The following LAIR1 variants were observed in gnomAD, a reference collection of about 807,000 sequenced individuals.
LAIR1 encodes leukocyte-associated immunoglobulin-like receptor 1.
A neutral mutation model predicts 32.8 loss-of-function variants in LAIR1; 24 were observed. That is an observed-to-expected ratio of 0.73 (90% CI 0.53 to 1.03). The LOEUF (loss-of-function observed/expected upper bound fraction) is 1.03, where lower values mean the gene tolerates loss of function less well. Among genes scored for constraint, LAIR1 ranks in the 50% least tolerant of loss-of-function variants. The probability of loss-of-function intolerance (pLI) is 0.00; values close to 1 mark genes in which losing one functional copy is unlikely to be tolerated. For missense variants in LAIR1, 355 were observed against 347.5 expected (o/e 1.02, Z -0.17); for synonymous variants, 150 against 140.5 (o/e 1.07, Z -0.48).
rs1360029639 is a variant in LAIR1 at position 54,354,298 on chromosome 19, G to C, written c.*970C>G. ...TCCTGTGCATGTATGTGCAGATGTG[G>C]ACCTGTAGGGTCGGCTCTCTGCCTT... On this transcript the variant is annotated 3_prime_UTR_variant, in exon 10 of 10. Transcript: ENST00000391742. 3 of 152,144 alleles carry C rather than the reference G, an allele frequency of 2.0e-5. No homozygotes were observed. Among genetic ancestry groups the C allele is most frequent in the Non-Finnish European group, 2.9e-5 (2 of 68,040 alleles). 9.4% of individuals were successfully genotyped at this position (152,144 alleles called of 1,614,324 possible). A position where few individuals can be genotyped will look rare whatever the true frequency, so the allele number is the denominator to read the frequency against.
Position 54,356,624 on chromosome 19 carries a change from G to A in LAIR1, c.455-5C>T, listed in dbSNP as rs749400912. On this transcript the variant is annotated splice_region_variant and splice_polypyrimidine_tract_variant and intron_variant, in intron 5 of 9. Transcript: ENST00000391742. Reference sequence around the variant, plus strand: ...GGCCTTGGGAAGCAGGTGCATCTAAGAAAGACAGAAACAGGATTTCAGCAG... The same window carrying A: ...GGCCTTGGGAAGCAGGTGCATCTAAAAAAGACAGAAACAGGATTTCAGCAG... 1.2e-6 allele frequency: 2 copies of A among 1,613,366 alleles called. No homozygotes were observed. The highest frequency in any genetic ancestry group is 1.3e-5 in the African/African-American group (1 of 74,998).
upstream of LAIR1, among the ~76,000 whole-genome samples, chr19:54,367,433 G>A (rs1601338191): frequency 6.6e-6 from 1 of 152,082 alleles, no homozygotes; most frequent in Non-Finnish European, 1.5e-5. Flanking sequence ...AACTAAAACT[G>A]CTTAATATAA....
At chr19:54,365,706 C>T (rs562060375), upstream of LAIR1, among the ~76,000 whole-genome samples, 167 of 151,804 alleles carry the variant, frequency 1.1e-3, 1 homozygote, top group African/African-American at 3.6e-3. Flanking sequence ...CGCTTGAACC[C>T]AGAAGGCAGG....
At chr19:54,362,382 T>A (rs2082068424) in intron 2 of LAIR1, among the ~76,000 whole-genome samples, 1 of 152,226 alleles carries the variant, frequency 6.6e-6, no homozygotes, top group Non-Finnish European at 1.5e-5. Flanking sequence ...AAGACGTTTT[T>A]CATGGGCTGC....
chr19:54,364,229 T>G lies in LAIR1; in HGVS notation c.70+66A>C. The G allele has an allele frequency of 3.3e-6, 5 of 1,525,106 alleles. No individual in the cohort carries two copies. The South Asian group carries it at 4.5e-5, about 14-fold the overall frequency. 94.5% of individuals were successfully genotyped at this position (1,525,106 alleles called of 1,614,324 possible). A position where few individuals can be genotyped will look rare whatever the true frequency, so the allele number is the denominator to read the frequency against. ...CAGGCCCTCTAAGAATCAACATCAC[T>G]CCCACCCAGCACTGCCCTTGGGGTG... is the stretch of plus-strand genomic sequence containing the variant. On this transcript the variant is annotated intron_variant, in intron 2 of 9. Coordinates refer to ENST00000391742, the MANE Select transcript of LAIR1 (RefSeq NM_002287.6). This position sits in a 1 kb window ranked among gnomAD's most constrained non-coding sequence, Gnocchi z 4.8.
chr19:54,355,169 A>T lies in LAIR1; in HGVS notation c.*99T>A. On this transcript the variant is annotated 3_prime_UTR_variant, in exon 10 of 10. Coordinates refer to ENST00000391742, the MANE Select transcript of LAIR1 (RefSeq NM_002287.6). This position sits in a 1 kb window ranked among gnomAD's most constrained non-coding sequence, Gnocchi z 4.7. ...GACAGCTGCCTGGCTGGCTTTCTAG[A>T]TGAAGAGGAATCCAACAGGAAGCCT... 2 of 1,187,868 alleles carry T rather than the reference A, an allele frequency of 1.7e-6. No individual in the cohort carries two copies. The highest frequency in any genetic ancestry group is 2.4e-6 in the Non-Finnish European group (2 of 845,452). 73.6% of individuals were successfully genotyped at this position (1,187,868 alleles called of 1,614,324 possible). A position where few individuals can be genotyped will look rare whatever the true frequency, so the allele number is the denominator to read the frequency against.
upstream of LAIR1, among the ~76,000 whole-genome samples, chr19:54,373,418 A>T (rs181112518): frequency 0.028 from 4,317 of 151,654 alleles, 105 homozygotes; most frequent in African/African-American, 0.056. Context: ...CACTCCAGCC[A>T]GGGTGACAGA....
At position 54,355,605 on chromosome 19, in the gene LAIR1, C is replaced by T. The variant is rs890366574; in HGVS notation, c.718-191G>A. Among the ~76,000 whole-genome samples, 2 of 152,204 alleles carry T rather than the reference C, an allele frequency of 1.3e-5. No homozygotes were observed. The highest frequency in any genetic ancestry group is 4.8e-5 in the African/African-American group (2 of 41,450). On this transcript the variant is annotated intron_variant, in intron 9 of 9. Coordinates refer to ENST00000391742, the MANE Select transcript of LAIR1 (RefSeq NM_002287.6). This position sits in a 1 kb window ranked among gnomAD's most constrained non-coding sequence, Gnocchi z 4.7. The stretch of plus-strand genomic sequence containing the variant: ...ACAATGAACAAGGCAGAAGGGAAGA[C>T]TCCTGACTTCCAAGCTGAGCCAAAA...
chr19:54,373,875 T>TC (rs2082460665), upstream of LAIR1, among the ~76,000 whole-genome samples: 2 of 152,216 alleles, frequency 1.3e-5, no homozygotes, highest in South Asian at 4.1e-4. Flanking sequence ...GGCAATGGCG[T>TC]CCCGTACTTC....
chr19:54,367,495 T>C (rs2082290442), upstream of LAIR1, among the ~76,000 whole-genome samples: 1 of 152,080 alleles, frequency 6.6e-6, no homozygotes, highest in South Asian at 2.1e-4. Flanking sequence ...TGTAATCTTC[T>C]CAGCATTTTG....
At chr19:54,371,496 G>T (rs143221771), upstream of LAIR1, among the ~76,000 whole-genome samples, 5 of 150,982 alleles carry the variant, frequency 3.3e-5, no homozygotes, top group Admixed American at 2.6e-4. Context: ...ATGGGGTTTC[G>T]CCATGTTGAC....
chr19:54,373,315 G>T (rs1258076023), upstream of LAIR1, among the ~76,000 whole-genome samples: 2 of 151,462 alleles, frequency 1.3e-5, no homozygotes, highest in African/African-American at 2.4e-5. Context: ...GTGGTGGCGG[G>T]CACCTGTAGT....
Position 54,364,550 on chromosome 19 carries a change from G to A in LAIR1, c.35-220C>T. 1 of 799,444 alleles carries A rather than the reference G, an allele frequency of 1.3e-6. No homozygotes were observed. Among genetic ancestry groups the A allele is most frequent in the Non-Finnish European group, 2.2e-6 (1 of 459,136 alleles). The allele number at this position is 799,444 out of a possible 1,614,324, so 49.5% of individuals were successfully genotyped here. On this transcript the variant is annotated intron_variant, in intron 1 of 9. Coordinates refer to ENST00000391742, the MANE Select transcript of LAIR1 (RefSeq NM_002287.6). The surrounding 1 kb of genome is among the most constrained non-coding windows in gnomAD (Gnocchi z 4.8). ...CTCCAAAAAGGCTCCTGCTCCCCCAGCCCTTCTTAAAGCTGACCTCATCCC... is the reference window on the plus strand; with the variant it reads ...CTCCAAAAAGGCTCCTGCTCCCCCAACCCTTCTTAAAGCTGACCTCATCCC...
intron 2 of LAIR1, among the ~76,000 whole-genome samples, chr19:54,362,378 T>C (rs2363050): frequency 2.0e-5 from 3 of 152,194 alleles, no homozygotes; most frequent in Admixed American, 1.3e-4. Context: ...TTTAAAGACG[T>C]TTTTCATGGG....
chr19:54,356,578 T>C lies in LAIR1; in HGVS notation c.496A>G (p.Ile166Val), dbSNP rs2081722336. The C allele has an allele frequency of 6.2e-7, 1 of 1,613,876 alleles. No individual in the cohort carries two copies. The highest frequency in any genetic ancestry group is 8.5e-7 in the Non-Finnish European group (1 of 1,179,976). Residue 166 changes from isoleucine (I) to valine (V), a missense_variant, in exon 6 of 10, where the codon ATT becomes GTT. By Grantham distance (29) the Ile-to-Val change is conservative (BLOSUM62 3). Coordinates refer to ENST00000391742, the MANE Select transcript of LAIR1 (RefSeq NM_002287.6). ...AAGACCACTGAGACCCCGATGAGAATATACAGATGCTCAGCTTTCAGGCCT... is the reference window on the plus strand; with the variant it reads ...AAGACCACTGAGACCCCGATGAGAACATACAGATGCTCAGCTTTCAGGCCT... ...SQGLKAEHLY[I>V]LIGVSVVFLF...
chr19:54,374,911 C>T (rs1349436342), upstream of LAIR1, among the ~76,000 whole-genome samples: 139 of 151,936 alleles, frequency 9.1e-4, no homozygotes, highest in Non-Finnish European at 7.4e-5. Context: ...CCAGCCCTTC[C>T]GTACCCAGCA....
chr19:54,356,921 C>G lies in LAIR1; in HGVS notation c.454+7G>C, dbSNP rs1393398623. 1.2e-6 allele frequency: 2 copies of G among 1,613,938 alleles called. No homozygotes were observed. Among genetic ancestry groups the G allele is most frequent in the Non-Finnish European group, 1.7e-6 (2 of 1,179,934 alleles). On this transcript the variant is annotated splice_region_variant and intron_variant, in intron 5 of 9. Coordinates refer to ENST00000391742, the MANE Select transcript of LAIR1 (RefSeq NM_002287.6). The stretch of plus-strand genomic sequence containing the variant: ...CAGCTTCATGCTCCACGGCCCCCAT[C>G]ACTCACGCTCATTGTGACTGTTGTC...
rs972933067 is a variant in LAIR1 at position 54,352,998 on chromosome 19, A to T, written c.*2270T>A. 2 of 152,172 alleles carry T rather than the reference A, an allele frequency of 1.3e-5. No individual in the cohort carries two copies. Among genetic ancestry groups the T allele is most frequent in the African/African-American group, 4.8e-5 (2 of 41,396 alleles). The allele number at this position is 152,172 out of a possible 1,614,324, so 9.4% of individuals were successfully genotyped here. A position where few individuals can be genotyped will look rare whatever the true frequency, so the allele number is the denominator to read the frequency against. On this transcript the variant is annotated 3_prime_UTR_variant, in exon 10 of 10. Coordinates refer to ENST00000391742, the MANE Select transcript of LAIR1 (RefSeq NM_002287.6). ...ACATGGAGAGCCCCCCGTCTCTAAC[A>T]AAAATACAAAAAATTAGCCGTGTGT... is the stretch of plus-strand genomic sequence containing the variant.
Position 54,364,756 on chromosome 19 carries a change from G to T in LAIR1, c.34+15C>A. The T allele has an allele frequency of 6.2e-7, 1 of 1,608,072 alleles. No homozygotes were observed. Among genetic ancestry groups the T allele is most frequent in the Non-Finnish European group, 8.5e-7 (1 of 1,175,004 alleles). The stretch of plus-strand genomic sequence containing the variant: ...CGACCCCCTTTCCAGCCTCCCGGCT[G>T]CCTCCAGGACTCACCTAGGCCCAGG... On this transcript the variant is annotated intron_variant, in intron 1 of 9. Coordinates refer to ENST00000391742, the MANE Select transcript of LAIR1 (RefSeq NM_002287.6). This position sits in a 1 kb window ranked among gnomAD's most constrained non-coding sequence, Gnocchi z 4.8.
Sources: allele counts gnomAD v4.1 joint callset (sites outside exome capture counted in the v4.1 genomes callset), GRCh38; gene constraint gnomAD v4.1.1; non-coding constraint Gnocchi (gnomAD v3.1); transcripts MANE v1.5; gene names NCBI Gene and HGNC (gene_info 2026-07-23, HGNC 2026-07-21).